Variants in KDM2B observed in about 807,000 individuals in gnomAD.
KDM2B encodes lysine-specific demethylase 2B.
KDM2B carries 26 observed loss-of-function variants against 150.0 expected under a neutral mutation model. The ratio of observed to expected loss-of-function variants is 0.17; its 90% CI spans 0.13 to 0.24. The LOEUF is 0.24. Among genes scored for constraint, KDM2B ranks in the 10% least tolerant of loss-of-function variants. The probability of loss-of-function intolerance (pLI) is 1.00; values close to 1 mark genes in which losing one functional copy is unlikely to be tolerated. For missense variants in KDM2B, 1,265 were observed against 1,816.9 expected, an observed-to-expected ratio of 0.70 and a Z score of 5.52; for synonymous variants, 734 against 729.5, an observed-to-expected ratio of 1.01 and a Z score of -0.10.
intron 6 of KDM2B, among the ~76,000 whole-genome samples, chr12:121,544,676 G>A (rs1406627967): frequency 1.3e-5 from 2 of 151,360 alleles, no homozygotes; most frequent in Non-Finnish European, 2.9e-5. Flanking sequence ...ACTTTGGGAG[G>A]CCAAGGCGGG....
intron 12 of KDM2B, among the ~76,000 whole-genome samples, chr12:121,490,163 G>A (rs1883203217): frequency 6.6e-6 from 1 of 152,216 alleles, no homozygotes; most frequent in Non-Finnish European, 1.5e-5. Context: ...GAGGAAAGGG[G>A]AGAGAGACAA....
chr12:121,409,031 G>A, the KDM2B span, among the ~76,000 whole-genome samples: 1 of 151,950 alleles, frequency 6.6e-6, no homozygotes, highest in African/African-American at 2.4e-5. Context: ...GAGTGCAGTG[G>A]TACAGTGGCG....
In KDM2B at chr12:121,441,101, C is replaced by T. The variant is rs782646499; in HGVS notation, c.3417G>A (p.Lys1139=). 6.8e-6 allele frequency: 11 copies of T among 1,614,094 alleles called. No homozygotes were observed. The Admixed American group carries it at 8.3e-5, about 12-fold the overall frequency. Residue 1139 remains lysine, a synonymous_variant, in exon 20 of 23, where the codon AAG becomes AAA. Coordinates refer to ENST00000377071, the MANE Select transcript of KDM2B (RefSeq NM_032590.5). The stretch of plus-strand genomic sequence containing the variant: ...GCCGGTTGATGAGCCAGCTCAGCTG[C>T]TTCTTGGAGATATTGGTCCAGCTGA... ...LDLSWTNISK[K]QLSWLINRLP... is the part of the protein sequence containing the mutation.
chr12:121,446,121 C>A (rs536206647), intron 13 of KDM2B, among the ~76,000 whole-genome samples: 3 of 152,196 alleles, frequency 2.0e-5, no homozygotes, highest in Admixed American at 6.5e-5. Context: ...CCAGGCCGGG[C>A]GCGGTGGCTC....
At chr12:121,465,922 TTCAAGCCAAAAG>T (rs1555294679) in intron 12 of KDM2B, among the ~76,000 whole-genome samples, 1 of 152,134 alleles carries the variant, frequency 6.6e-6, no homozygotes, top group East Asian at 1.9e-4. Context: ...TTAATAAAAG[TTCAAGCCAAAAG>T]CACTTGAATC....
At chr12:121,508,499 G>A (rs1387470343) in intron 11 of KDM2B, among the ~76,000 whole-genome samples, 6 of 152,214 alleles carry the variant, frequency 3.9e-5, no homozygotes, top group African/African-American at 1.4e-4. Flanking sequence ...CACCGAAGAA[G>A]AAACTTAAAT....
At chr12:121,409,484 G>C in the KDM2B span, 2 of 152,376 alleles carry the variant, frequency 1.3e-5, no homozygotes, top group South Asian at 4.1e-4. Context: ...TGTCCCAGCT[G>C]AAACAGTGTA....
chr12:121,445,671 T>C (rs1555290089), intron 13 of KDM2B, among the ~76,000 whole-genome samples: 1 of 152,226 alleles, frequency 6.6e-6, no homozygotes, highest in Non-Finnish European at 1.5e-5. Context: ...ATCCAGAGCT[T>C]ACATTTTAGT....
chr12:121,536,930 C>T (rs183850260), intron 6 of KDM2B, among the ~76,000 whole-genome samples: 4 of 152,336 alleles, frequency 2.6e-5, no homozygotes, highest in African/African-American at 7.2e-5. Context: ...CCCGACCTCC[C>T]CAGCACGTGC....
chr12:121,471,643 G>C, intron 12 of KDM2B, among the ~76,000 whole-genome samples: 1 of 152,214 alleles, frequency 6.6e-6, no homozygotes, highest in East Asian at 1.9e-4. Context: ...CTGTCCCCGT[G>C]GACTCTGGTT....
intron 13 of KDM2B, among the ~76,000 whole-genome samples, chr12:121,445,999 A>G (rs1876106746): frequency 6.6e-6 from 1 of 152,194 alleles, no homozygotes; most frequent in Non-Finnish European, 1.5e-5. Flanking sequence ...CACAGTATTG[A>G]TATTTGTACT....
At chr12:121,545,140 C>T (rs1458964624) in intron 6 of KDM2B, among the ~76,000 whole-genome samples, 5 of 152,124 alleles carry the variant, frequency 3.3e-5, no homozygotes, top group African/African-American at 9.7e-5. Context: ...AACTGTTCTA[C>T]GATCCCGGAG....
At chr12:121,440,472 G>C (rs1295804341) in intron 21 of KDM2B, 1 of 380,494 alleles carries the variant, frequency 2.6e-6, no homozygotes, top group African/African-American at 2.0e-5. Context: ...GGCAGTGGAG[G>C]CTTGAAACCA....
the KDM2B span, among the ~76,000 whole-genome samples, chr12:121,422,916 G>GA: frequency 0.19 from 28,988 of 151,982 alleles, 4,270 homozygotes; most frequent in African/African-American, 0.41. Context: ...ACTTTCCTAA[G>GA]GGGGAACTAA....
At position 121,490,473 on chromosome 12, in the gene KDM2B, C is replaced by T. The variant is rs374012831; in HGVS notation, c.1734+4106G>A. Among the ~76,000 whole-genome samples the T allele has an allele frequency of 2.3e-3, 352 of 152,306 alleles. 1 individual carries two copies. Among genetic ancestry groups the T allele is most frequent in the South Asian group, 0.016 (77 of 4,828 alleles). On this transcript the variant is annotated intron_variant, in intron 12 of 22. Coordinates refer to ENST00000377071, the MANE Select transcript of KDM2B (RefSeq NM_032590.5). ...CCAGAGGCAGTCATGGCTGGGTCCT[C>T]CGTCCTTCCTCAGTTTCTTCCTCTG...
In KDM2B at chr12:121,518,954, C is replaced by T. The variant is rs1332645669; in HGVS notation, c.1047+2031G>A. ...TGCCTTTCTCCTGAATGGCATGGGG[C>T]GGCTCCTCCAGACCAGGGTGGGGGC... is the stretch of plus-strand genomic sequence containing the variant. On this transcript the variant is annotated intron_variant, in intron 9 of 22. Coordinates refer to ENST00000377071, the MANE Select transcript of KDM2B (RefSeq NM_032590.5). This position sits in a 1 kb window ranked among gnomAD's most constrained non-coding sequence, Gnocchi z 4.4. Among the ~76,000 whole-genome samples, 3 of 152,152 alleles carry T rather than the reference C, an allele frequency of 2.0e-5. No individual in the cohort carries two copies. The highest frequency in any genetic ancestry group is 6.6e-5 in the Admixed American group (1 of 15,262).
intron 4 of KDM2B, among the ~76,000 whole-genome samples, chr12:121,562,913 T>A (rs782088675): frequency 6.6e-6 from 1 of 152,148 alleles, no homozygotes; most frequent in Non-Finnish European, 1.5e-5. Context: ...TGATTATTAG[T>A]ATAATTGCAT....
chr12:121,500,385 C>CGGGAAACT (rs1223480635), intron 11 of KDM2B, among the ~76,000 whole-genome samples: 2 of 152,118 alleles, frequency 1.3e-5, no homozygotes, highest in Non-Finnish European at 2.9e-5. Flanking sequence ...ACCCTTTCTG[C>CGGGAAACT]GGGAAACTGC....
chr12:121,579,509 C>CCCCCCGG, intron 1 of KDM2B: 4 of 1,077,328 alleles, frequency 3.7e-6, no homozygotes, highest in Non-Finnish European at 5.0e-6. Context: ...GCCGCCCGCC[C>CCCCCCGG]GCCAGTGCAA....
Sources: allele counts gnomAD v4.1 joint callset (sites outside exome capture counted in the v4.1 genomes callset), GRCh38; gene constraint gnomAD v4.1.1; non-coding constraint Gnocchi (gnomAD v3.1); transcripts MANE v1.5; gene names NCBI Gene and HGNC (gene_info 2026-07-23, HGNC 2026-07-21).